Variants in SLC39A11 observed in about 807,000 individuals in gnomAD.
SLC39A11 encodes solute carrier family 39 member 11.
A neutral mutation model predicts 36.1 loss-of-function variants in SLC39A11; 33 were observed. The observed-to-expected ratio is 0.91, with a 90% CI of 0.69 to 1.22. The LOEUF is 1.22. Among genes scored for constraint, SLC39A11 ranks in the 50% most tolerant of loss-of-function variants. SLC39A11 has a pLI of 0.00. For synonymous variants in SLC39A11, 166 were observed against 170.3 expected, an observed-to-expected ratio of 0.97 and a Z score of 0.20; for missense variants, 432 against 430.3, an observed-to-expected ratio of 1.00 and a Z score of -0.03.
chr17:72,950,271 G>A (rs2147775844), intron 4 of SLC39A11, among the ~76,000 whole-genome samples: 1 of 152,294 alleles, frequency 6.6e-6, no homozygotes, highest in Non-Finnish European at 1.5e-5. Flanking sequence ...CCCTGTTTGA[G>A]CTACCCTTGT....
intron 3 of SLC39A11, among the ~76,000 whole-genome samples, chr17:73,061,389 G>A (rs1458463102): frequency 6.6e-6 from 1 of 152,124 alleles, no homozygotes; most frequent in Non-Finnish European, 1.5e-5. Context: ...GAACTCGTAT[G>A]AAGAAACTCA....
At chr17:72,729,425 A>ATG (rs2074083849) in intron 7 of SLC39A11, among the ~76,000 whole-genome samples, 2 of 2,872 alleles carry the variant, frequency 7.0e-4, no homozygotes, top group African/African-American at 1.2e-3. Flanking sequence ...ATATATATAT[A>ATG]TATATATATA....
At chr17:72,834,718 T>C (rs987606505) in intron 6 of SLC39A11, among the ~76,000 whole-genome samples, 4 of 152,120 alleles carry the variant, frequency 2.6e-5, no homozygotes, top group Non-Finnish European at 1.5e-5. Context: ...GAAAGACAAC[T>C]GGAAGTTATT....
chr17:72,999,083 G>A (rs1024633516), intron 4 of SLC39A11, among the ~76,000 whole-genome samples: 8 of 152,168 alleles, frequency 5.3e-5, no homozygotes, highest in African/African-American at 9.7e-5. Flanking sequence ...CTGATGTGAC[G>A]TAAGCACGGC....
intron 3 of SLC39A11, among the ~76,000 whole-genome samples, chr17:73,079,581 G>A (rs911150583): frequency 6.6e-6 from 1 of 152,116 alleles, no homozygotes; most frequent in Admixed American, 6.5e-5. Context: ...CCTGGGAAAT[G>A]GAACAAGACA....
chr17:72,764,341 G>T (rs1168937996), intron 6 of SLC39A11, among the ~76,000 whole-genome samples: 1 of 152,136 alleles, frequency 6.6e-6, no homozygotes, highest in Admixed American at 6.5e-5. Context: ...GCTGTGGTGG[G>T]GACAAGGCAA....
At chr17:73,038,474 G>A (rs1187143246) in intron 3 of SLC39A11, among the ~76,000 whole-genome samples, 3 of 150,946 alleles carry the variant, frequency 2.0e-5, no homozygotes, top group Non-Finnish European at 4.4e-5. Flanking sequence ...CTAGGTGGGC[G>A]GATCACCTGA....
Position 73,026,392 on chromosome 17 carries a change from G to A in SLC39A11, c.306+5164C>T, listed in dbSNP as rs147151768. On this transcript the variant is annotated intron_variant, in intron 4 of 9. Coordinates refer to ENST00000255559, the MANE Select transcript of SLC39A11 (RefSeq NM_139177.4). ...TAGCCAGGCATGGTGGCGCATGCCTGTAATCCCAGATAGTTGGGAGACTGA... is the reference window on the plus strand; with the variant it reads ...TAGCCAGGCATGGTGGCGCATGCCTATAATCCCAGATAGTTGGGAGACTGA... 1.4e-4 allele frequency among the ~76,000 whole-genome samples: 21 copies of A among 151,888 alleles called. No individual in the cohort carries two copies. In the East Asian group the frequency reaches 3.1e-3, roughly 23 times the overall value.
chr17:72,967,399 A>AGAGAGAGAGAGAGTGT lies in SLC39A11; in HGVS notation c.307-19525_307-19524insACACTCTCTCTCTCTC, dbSNP rs143987646. Among the ~76,000 whole-genome samples, 470 of 138,224 alleles carry AGAGAGAGAGAGAGTGT rather than the reference A, an allele frequency of 3.4e-3. 2 individuals are homozygous for AGAGAGAGAGAGAGTGT. The highest frequency in any genetic ancestry group is 0.012 in the African/African-American group (434 of 36,096). 90.7% of individuals were successfully genotyped at this position (138,224 alleles called of 152,430 possible). ...GAGAGAGAGAGAGAGAGAGAGAGAG[A>AGAGAGAGAGAGAGTGT]GTGTGTGTGTGTGTGTGTTTTCCTT... is the stretch of plus-strand genomic sequence containing the variant. On this transcript the variant is annotated intron_variant, in intron 4 of 9. Transcript: ENST00000255559.
rs1359127957 is a variant in SLC39A11, at chr17:72,732,025, T to C, written c.671+4625A>G. ...TACAGGCCCTTTTCTTTTCTTTATTTTTTTCTTTTCTTTTCTTTTTTTTTT... is the reference window on the plus strand; with the variant it reads ...TACAGGCCCTTTTCTTTTCTTTATTCTTTTCTTTTCTTTTCTTTTTTTTTT... On this transcript the variant is annotated intron_variant, in intron 7 of 9. Coordinates refer to ENST00000255559, the MANE Select transcript of SLC39A11 (RefSeq NM_139177.4). 1.7e-3 allele frequency among the ~76,000 whole-genome samples: 155 copies of C among 93,902 alleles called. 1 individual carries two copies. Among genetic ancestry groups the C allele is most frequent in the African/African-American group, 5.3e-3 (151 of 28,296 alleles). 61.6% of individuals were successfully genotyped at this position (93,902 alleles called of 152,430 possible). A position where few individuals can be genotyped will look rare whatever the true frequency, so the allele number is the denominator to read the frequency against.
intron 6 of SLC39A11, among the ~76,000 whole-genome samples, chr17:72,754,774 AAAG>A (rs1244144246): frequency 6.6e-6 from 1 of 152,204 alleles, no homozygotes; most frequent in Non-Finnish European, 1.5e-5. Flanking sequence ...GATGCAGAGA[AAAG>A]GAGTGTGTGC....
At chr17:72,863,061 G>A (rs1375922194) in intron 5 of SLC39A11, among the ~76,000 whole-genome samples, 2 of 152,178 alleles carry the variant, frequency 1.3e-5, no homozygotes, top group Non-Finnish European at 2.9e-5. Context: ...CTGCAGGTCT[G>A]ACTGCTACTC....
chr17:72,660,667 A>G (rs182589041), intron 7 of SLC39A11, among the ~76,000 whole-genome samples: 49 of 152,266 alleles, frequency 3.2e-4, no homozygotes, highest in Admixed American at 2.1e-3. Flanking sequence ...GGCCAGACTC[A>G]GGGGGTTTCG....
chr17:72,939,604 A>G (rs1160862253), intron 5 of SLC39A11, among the ~76,000 whole-genome samples: 1 of 152,188 alleles, frequency 6.6e-6, no homozygotes, highest in Non-Finnish European at 1.5e-5. Flanking sequence ...TTGGACATAG[A>G]CACACTTCAC....
Position 72,837,973 on chromosome 17 carries a change from G to A in SLC39A11, c.601+11661C>T, listed in dbSNP as rs77346460. On this transcript the variant is annotated intron_variant, in intron 6 of 9. Coordinates refer to ENST00000255559, the MANE Select transcript of SLC39A11 (RefSeq NM_139177.4). ...CAAAGAGTGTGGGGTTTCTTTACAG[G>A]GTGATGAGAGTATTCAGGAATAGTG... 947 of 1,230,836 alleles carry A rather than the reference G, an allele frequency of 7.7e-4. 6 individuals carry two copies. In the African/African-American group the frequency reaches 0.012, roughly 16 times the overall value. The allele number at this position is 1,230,836 out of a possible 1,614,324, so 76.2% of individuals were successfully genotyped here. A position where few individuals can be genotyped will look rare whatever the true frequency, so the allele number is the denominator to read the frequency against.
chr17:72,991,539 T>G (rs1568082496), intron 4 of SLC39A11, among the ~76,000 whole-genome samples: 1 of 151,894 alleles, frequency 6.6e-6, no homozygotes, highest in Non-Finnish European at 1.5e-5. Flanking sequence ...TGTATTTTTA[T>G]TAGAGATGGG....
At chr17:72,754,314 G>A (rs1006569847) in intron 6 of SLC39A11, among the ~76,000 whole-genome samples, 37 of 152,040 alleles carry the variant, frequency 2.4e-4, no homozygotes, top group African/African-American at 8.9e-4. Context: ...AAGGGGGTGA[G>A]GGATAAAAGA....
chr17:72,919,406 C>G (rs1308838123), intron 5 of SLC39A11, among the ~76,000 whole-genome samples: 24 of 151,924 alleles, frequency 1.6e-4, no homozygotes, highest in Non-Finnish European at 8.8e-5. Context: ...GAACTTGGAC[C>G]ACAGCAACAA....
At chr17:72,670,063 CAT>C (rs773046900) in intron 7 of SLC39A11, among the ~76,000 whole-genome samples, 134 of 149,442 alleles carry the variant, frequency 9.0e-4, no homozygotes, top group Non-Finnish European at 1.5e-3. Flanking sequence ...TGTATATACA[CAT>C]ATATATACGT....
Sources: gnomAD v4.1 joint callset for allele counts (sites outside exome capture counted in the v4.1 genomes callset) on GRCh38, gnomAD v4.1.1 for gene constraint, MANE v1.5 for transcripts, NCBI Gene and HGNC (gene_info 2026-07-23, HGNC 2026-07-21) for gene names.